The following KIF13B variants were observed in gnomAD, a reference collection of about 807,000 sequenced individuals.
KIF13B encodes kinesin family member 13B.
A neutral mutation model predicts 222.0 loss-of-function variants in KIF13B; 127 were observed. The observed-to-expected ratio is 0.57, with a 90% CI of 0.50 to 0.66. KIF13B has a LOEUF of 0.66. KIF13B is among the 30% of genes least tolerant of loss of function. The pLI is 0.00. For synonymous variants in KIF13B, 976 were observed against 919.0 expected (o/e 1.06, Z -1.12); for missense variants, 2,173 against 2,379.0 (o/e 0.91, Z 1.80).
intron 37 of KIF13B, among the ~76,000 whole-genome samples, chr8:29,080,889 C>T (rs1380869469): frequency 1.3e-5 from 2 of 152,212 alleles, no homozygotes; most frequent in Non-Finnish European, 2.9e-5. Context: ...ATAATCCCTG[C>T]TGAGGATTCT....
chr8:29,250,427 CT>C (rs1563827648), intron 1 of KIF13B, among the ~76,000 whole-genome samples: 1 of 152,156 alleles, frequency 6.6e-6, no homozygotes, highest in Non-Finnish European at 1.5e-5. Flanking sequence ...AAACCAATAA[CT>C]TGGAAGAATT....
chr8:29,139,855 G>A lies in KIF13B; in HGVS notation c.2613+208C>T, dbSNP rs76134147. 3.0e-3 allele frequency among the ~76,000 whole-genome samples: 459 copies of A among 152,236 alleles called. 3 individuals carry two copies. The highest frequency in any genetic ancestry group is 0.01 in the African/African-American group (427 of 41,546). Reference sequence around the variant, plus strand: ...GCGGGTGTTTGGAAATGGAGGAGGCGATTTTGCATTATCATGAGTGGGGGA... The same window carrying A: ...GCGGGTGTTTGGAAATGGAGGAGGCAATTTTGCATTATCATGAGTGGGGGA... On this transcript the variant is annotated intron_variant, in intron 21 of 39. Coordinates refer to ENST00000524189, the MANE Select transcript of KIF13B (RefSeq NM_015254.4).
At chr8:29,233,589 T>C (rs1223242729) in intron 2 of KIF13B, among the ~76,000 whole-genome samples, 2 of 152,262 alleles carry the variant, frequency 1.3e-5, no homozygotes, top group African/African-American at 4.8e-5. Flanking sequence ...TTTTTTGGTA[T>C]CAAAACCCCT....
At chr8:29,183,170 T>G (rs934082892) in intron 6 of KIF13B, among the ~76,000 whole-genome samples, 16 of 142,534 alleles carry the variant, frequency 1.1e-4, no homozygotes, top group Non-Finnish European at 2.1e-4. Context: ...TAAAGTTTGT[T>G]TTTTTTTTTT....
chr8:29,123,034 AT>A, intron 28 of KIF13B, among the ~76,000 whole-genome samples: 1 of 152,270 alleles, frequency 6.6e-6, no homozygotes, highest in African/African-American at 2.4e-5. Context: ...TGGAGATGCA[AT>A]TTTCTTATGA....
intron 2 of KIF13B, among the ~76,000 whole-genome samples, chr8:29,229,459 G>A (rs1815188928): frequency 6.6e-6 from 1 of 152,178 alleles, no homozygotes; most frequent in South Asian, 2.1e-4. Context: ...TTTGTTGTAA[G>A]ATGTCATGAG....
intron 13 of KIF13B, 139 bp from the exon 14 acceptor site, chr8:29,155,995 G>A (rs1811507236): frequency 3.4e-6 from 2 of 595,820 alleles, no homozygotes; most frequent in Non-Finnish European, 2.9e-6. Context: ...TTGAGACAGA[G>A]TCTTGCTCTA....
chr8:29,138,188 AAAAATAC>A (rs1463439927), intron 21 of KIF13B, among the ~76,000 whole-genome samples: 9 of 152,086 alleles, frequency 5.9e-5, no homozygotes, highest in Non-Finnish European at 8.8e-5. Flanking sequence ...TGTCTCTACT[AAAAATAC>A]AAAATTAGCT....
intron 31 of KIF13B, among the ~76,000 whole-genome samples, chr8:29,115,586 A>G (rs1809556796): frequency 6.6e-6 from 1 of 152,076 alleles, no homozygotes; most frequent in Non-Finnish European, 1.5e-5. Flanking sequence ...TCGGCCTCCC[A>G]AAGTGTTGGG....
At chr8:29,256,237 T>C (rs1349360291) in intron 1 of KIF13B, among the ~76,000 whole-genome samples, 1 of 152,216 alleles carries the variant, frequency 6.6e-6, no homozygotes, top group Non-Finnish European at 1.5e-5. Flanking sequence ...GCTTCTCCTG[T>C]GCTTCTGATT....
chr8:29,096,753 T>C (rs1808551083), intron 36 of KIF13B, among the ~76,000 whole-genome samples: 1 of 152,144 alleles, frequency 6.6e-6, no homozygotes, highest in African/African-American at 2.4e-5. Flanking sequence ...TGACGTCATA[T>C]GAACTCTAAG....
chr8:29,232,205 C>T (rs1187687841), intron 2 of KIF13B, among the ~76,000 whole-genome samples: 3 of 151,758 alleles, frequency 2.0e-5, no homozygotes, highest in Admixed American at 1.3e-4. Context: ...CTGCAGTAAG[C>T]CATGATTGCA....
intron 2 of KIF13B, among the ~76,000 whole-genome samples, chr8:29,202,125 T>C (rs1813719012): frequency 6.6e-6 from 1 of 151,982 alleles, no homozygotes; most frequent in Non-Finnish European, 1.5e-5. Context: ...GGCGGGGGGA[T>C]TTGAAAACTC....
intron 37 of KIF13B, among the ~76,000 whole-genome samples, chr8:29,084,886 G>A (rs1294695901): frequency 6.6e-6 from 1 of 152,220 alleles, no homozygotes; most frequent in Non-Finnish European, 1.5e-5. Context: ...ACTTGCATCA[G>A]AAGGTCAAAG....
chr8:29,191,667 G>T (rs1025112000), intron 3 of KIF13B, among the ~76,000 whole-genome samples: 5 of 152,216 alleles, frequency 3.3e-5, no homozygotes, highest in African/African-American at 1.2e-4. Context: ...TACTTGGTGG[G>T]ATCTTACAGA....
chr8:29,071,581 C>T lies in KIF13B; in HGVS notation c.5218+39G>A, dbSNP rs1216076420. ...GGCCACGTTCCTGCTTCCCCAGACC[C>T]CCGGCACCACCCTGGAGCCCGGAGT... is the stretch of plus-strand genomic sequence containing the variant. On this transcript the variant is annotated intron_variant, in intron 39 of 39. Transcript: ENST00000524189. This position sits in a 1 kb window ranked among gnomAD's most constrained non-coding sequence, Gnocchi z 4.9. 12 of 1,520,644 alleles carry T rather than the reference C, an allele frequency of 7.9e-6. No individual in the cohort carries two copies. In the Admixed American group the frequency reaches 1.4e-4, roughly 17 times the overall value. 94.2% of individuals were successfully genotyped at this position (1,520,644 alleles called of 1,614,324 possible). A position where few individuals can be genotyped will look rare whatever the true frequency, so the allele number is the denominator to read the frequency against.
intron 2 of KIF13B, among the ~76,000 whole-genome samples, chr8:29,201,373 T>C (rs1310725585): frequency 6.6e-6 from 1 of 152,188 alleles, no homozygotes; most frequent in Admixed American, 6.5e-5. Context: ...AATCACATCA[T>C]ACAAAGAAAT....
intron 22 of KIF13B, among the ~76,000 whole-genome samples, chr8:29,133,274 AAAAC>A (rs1161010698): frequency 1.3e-5 from 2 of 152,196 alleles, no homozygotes; most frequent in Admixed American, 6.5e-5. Flanking sequence ...CAGCTGGGAA[AAAAC>A]AAACAACAAC....
rs374014840 is a variant in KIF13B at position 29,116,865 on chromosome 8, C to T, written c.3803G>A (p.Arg1268His). 2.0e-5 allele frequency: 32 copies of T among 1,605,090 alleles called. No homozygotes were observed. Among genetic ancestry groups the T allele is most frequent in the Admixed American group, 6.7e-5 (4 of 59,668 alleles). ...GTGAACATTGACACAGATTCTCTTG[C>T]GTAACACCAGTTGCATGTCAGCAGG... Reference protein sequence around the residue: ...SHPADMQLVLRKRICVNVHGR... With the variant: ...SHPADMQLVLHKRICVNVHGR... Residue 1268 changes from arginine to histidine, a missense_variant, in exon 31 of 40, where the codon CGC becomes CAC. By Grantham distance (29) the Arg-to-His change is conservative (BLOSUM62 0). Transcript: ENST00000524189.
Sources: gnomAD v4.1 joint callset for allele counts (sites outside exome capture counted in the v4.1 genomes callset) on GRCh38, gnomAD v4.1.1 for gene constraint, Gnocchi (gnomAD v3.1) non-coding constraint, MANE v1.5 for transcripts, NCBI Gene and HGNC (gene_info 2026-07-23, HGNC 2026-07-21) for gene names.